Variants in ASTN1 observed in about 807,000 individuals in gnomAD.
ASTN1 encodes the protein astrotactin 1.
A neutral mutation model predicts 140.7 loss-of-function variants in ASTN1; 41 were observed. The observed-to-expected ratio is 0.29, with a 90% CI of 0.23 to 0.38. The LOEUF (loss-of-function observed/expected upper bound fraction) is 0.38, where lower values mean the gene tolerates loss of function less well. Ranked by LOEUF, ASTN1 falls within the 10% of genes least tolerant of loss-of-function variation. The pLI is 1.00. For missense variants in ASTN1, 1,479 were observed against 1,678.8 expected (o/e 0.88, Z 2.08); for synonymous variants, 640 against 652.2 (o/e 0.98, Z 0.29).
chr1:176,949,195 T>C lies in ASTN1; in HGVS notation c.2044A>G (p.Met682Val), dbSNP rs1163546440. Residue 682 changes from methionine (M) to valine (V), a missense_variant, in exon 12 of 23, where the codon ATG becomes GTG. By Grantham distance (21) the Met-to-Val change is conservative (BLOSUM62 1). Coordinates refer to ENST00000361833, the MANE Select transcript of ASTN1 (RefSeq NM_004319.3). ...PDDPTLYNIL[M>V]FCGCIEDYKL... is the part of the protein sequence containing the mutation. ...GGCAGCTCAACTCACCCACAGAACATGAGGATGTTATACAAGGTGGGGTCG... is the reference window on the plus strand; with the variant it reads ...GGCAGCTCAACTCACCCACAGAACACGAGGATGTTATACAAGGTGGGGTCG... 1.2e-6 allele frequency: 2 copies of C among 1,613,042 alleles called. No individual in the cohort carries two copies. The highest frequency in any genetic ancestry group is 1.1e-5 in the South Asian group (1 of 91,066).
chr1:177,043,662 A>T lies in ASTN1; in HGVS notation c.472-10813T>A, dbSNP rs16850680. ...TATCCCTTGTACCATTCCAGCTGTGACTCAATCTTGGCATCCAAGTAAGAT... is the reference window on the plus strand; with the variant it reads ...TATCCCTTGTACCATTCCAGCTGTGTCTCAATCTTGGCATCCAAGTAAGAT... On this transcript the variant is annotated intron_variant, in intron 2 of 22. Coordinates refer to ENST00000361833, the MANE Select transcript of ASTN1 (RefSeq NM_004319.3). Among the ~76,000 whole-genome samples the T allele has an allele frequency of 9.8e-3, 1,498 of 152,314 alleles. 23 individuals carry two copies. Among genetic ancestry groups the T allele is most frequent in the African/African-American group, 0.033 (1,354 of 41,548 alleles).
In ASTN1 at chr1:177,027,552, C is replaced by T. The variant is rs530619690; in HGVS notation, c.1120+2082G>A. Among the ~76,000 whole-genome samples the T allele has an allele frequency of 2.7e-5, 4 of 150,232 alleles. No homozygotes were observed. The East Asian group carries it at 5.9e-4, about 22-fold the overall frequency. ...AGCCTCATCCTTACCATCTCGTGTG[C>T]GTATATATTTATAACTTGATGACAG... On this transcript the variant is annotated intron_variant, in intron 5 of 22. Coordinates refer to ENST00000361833, the MANE Select transcript of ASTN1 (RefSeq NM_004319.3).
At chr1:176,898,531 A>G (rs984517581) in intron 16 of ASTN1, among the ~76,000 whole-genome samples, 3 of 152,242 alleles carry the variant, frequency 2.0e-5, no homozygotes, top group African/African-American at 4.8e-5. Context: ...ATGGAGTCCA[A>G]TGGTGAAAGC....
At chr1:176,909,330 T>C (rs561019538) in intron 16 of ASTN1, among the ~76,000 whole-genome samples, 1 of 152,368 alleles carries the variant, frequency 6.6e-6, no homozygotes, top group East Asian at 1.9e-4. Context: ...AAGATGTGGC[T>C]ATTTTGCATA....
chr1:176,988,796 G>A (rs1674027088), intron 8 of ASTN1, among the ~76,000 whole-genome samples: 1 of 152,180 alleles, frequency 6.6e-6, no homozygotes. Flanking sequence ...AGGGGAAAGA[G>A]AAATAACTCA....
chr1:176,969,725 T>C (rs541308333), intron 8 of ASTN1, among the ~76,000 whole-genome samples: 29 of 152,224 alleles, frequency 1.9e-4, no homozygotes, highest in Non-Finnish European at 3.8e-4. Context: ...TTCAGTCTCT[T>C]GTATCCACTT....
At chr1:177,050,349 T>C (rs1217619756) in intron 2 of ASTN1, among the ~76,000 whole-genome samples, 1 of 152,196 alleles carries the variant, frequency 6.6e-6, no homozygotes, top group Admixed American at 6.5e-5. Flanking sequence ...AATGTCAGAA[T>C]TGGGAGCCAA....
At chr1:176,966,476 A>T (rs1057272724) in intron 8 of ASTN1, among the ~76,000 whole-genome samples, 4 of 152,332 alleles carry the variant, frequency 2.6e-5, no homozygotes, top group African/African-American at 9.6e-5. Flanking sequence ...CAAGACATTT[A>T]TTTAAGTTTT....
chr1:176,983,639 T>C (rs1331086203), intron 8 of ASTN1, among the ~76,000 whole-genome samples: 1 of 152,228 alleles, frequency 6.6e-6, no homozygotes, highest in African/African-American at 2.4e-5. Flanking sequence ...GGTTGTTTTC[T>C]GTTCTCTTCC....
chr1:177,061,361 C>A, intron 1 of ASTN1, 96 bp from the exon 2 acceptor site: 1 of 1,238,542 alleles, frequency 8.1e-7, no homozygotes, highest in South Asian at 1.9e-5. Flanking sequence ...CCAGTTTCGT[C>A]TGAAGCCAAC....
At chr1:176,966,596 A>G (rs945422797) in intron 8 of ASTN1, among the ~76,000 whole-genome samples, 12 of 152,186 alleles carry the variant, frequency 7.9e-5, no homozygotes, top group African/African-American at 2.7e-4. Context: ...CTACTTTATA[A>G]TTTGAGCGGA....
chr1:177,023,673 C>G, intron 6 of ASTN1, 102 bp from the exon 7 acceptor site: 2 of 1,257,626 alleles, frequency 1.6e-6, no homozygotes, highest in Non-Finnish European at 2.1e-6. Context: ...TAGTACCAAT[C>G]AGAGATCCTA....
At chr1:177,113,239 C>A (rs1680907431) in intron 1 of ASTN1, among the ~76,000 whole-genome samples, 1 of 152,138 alleles carries the variant, frequency 6.6e-6, no homozygotes, top group Non-Finnish European at 1.5e-5. Context: ...AAACCAGGCA[C>A]AGACACCTAA....
intron 8 of ASTN1, among the ~76,000 whole-genome samples, chr1:177,007,698 G>A (rs1675067218): frequency 6.6e-6 from 1 of 152,148 alleles, no homozygotes; most frequent in Non-Finnish European, 1.5e-5. Flanking sequence ...GCATGCACGA[G>A]TCACTCATTA....
At chr1:176,990,480 A>T (rs1320984580) in intron 8 of ASTN1, among the ~76,000 whole-genome samples, 1 of 151,916 alleles carries the variant, frequency 6.6e-6, no homozygotes, top group Non-Finnish European at 1.5e-5. Context: ...GGGGGAGAAT[A>T]AGTAGAGAAA....
At chr1:176,998,763 G>T (rs1365028827) in intron 8 of ASTN1, among the ~76,000 whole-genome samples, 1 of 152,202 alleles carries the variant, frequency 6.6e-6, no homozygotes, top group African/African-American at 2.4e-5. Context: ...GGGGCCTCTT[G>T]TCACCCACAA....
intron 1 of ASTN1, among the ~76,000 whole-genome samples, chr1:177,163,528 C>T (rs1647513375): frequency 4.6e-5 from 7 of 152,098 alleles, no homozygotes; most frequent in Admixed American, 4.6e-4. Context: ...GACAGGAGTT[C>T]CACTACCTGA....
Position 176,964,731 on chromosome 1 carries a change from A to G in ASTN1, c.1598+432T>C, listed in dbSNP as rs115443139. Among the ~76,000 whole-genome samples the G allele has an allele frequency of 9.7e-4, 148 of 152,288 alleles. 1 individual carries two copies. Among genetic ancestry groups the G allele is most frequent in the African/African-American group, 3.4e-3 (140 of 41,572 alleles). On this transcript the variant is annotated intron_variant, in intron 9 of 22. Coordinates refer to ENST00000361833, the MANE Select transcript of ASTN1 (RefSeq NM_004319.3). ...TTCATTTTGAACAACTTAAGACTCT[A>G]TGAGGAAGGTGCAAATTAGATGCAA...
intron 16 of ASTN1, among the ~76,000 whole-genome samples, chr1:176,922,905 T>C (rs985675575): frequency 6.6e-6 from 1 of 152,160 alleles, no homozygotes. Flanking sequence ...ATAATAGTAA[T>C]GTAGTAATAA....
Sources: gnomAD v4.1 joint callset for allele counts (sites outside exome capture counted in the v4.1 genomes callset) on GRCh38, gnomAD v4.1.1 for gene constraint, MANE v1.5 for transcripts, NCBI Gene and HGNC (gene_info 2026-07-23, HGNC 2026-07-21) for gene names.